The following STARD13 variants were observed in gnomAD, a reference collection of about 807,000 sequenced individuals.
The protein encoded by STARD13 is StAR related lipid transfer domain containing 13.
Under a neutral mutation model 106.4 loss-of-function variants are expected in STARD13, and 62 were observed. The ratio of observed to expected loss-of-function variants is 0.58; its 90% confidence interval spans 0.48 to 0.72. The LOEUF is 0.72. STARD13 is among the 30% of genes least tolerant of loss of function. STARD13 has a pLI of 0.00. For synonymous variants in STARD13, 565 were observed against 553.0 expected (o/e 1.02, Z -0.31); for missense variants, 1,387 against 1,424.0 (o/e 0.97, Z 0.42).
chr13:33,584,040 A>G, the STARD13 span, among the ~76,000 whole-genome samples: 3 of 152,354 alleles, frequency 2.0e-5, no homozygotes, highest in South Asian at 2.1e-4. Context: ...AGGAACTGCC[A>G]TACTATTTTC....
the STARD13 span, among the ~76,000 whole-genome samples, chr13:33,559,932 A>G: frequency 2.0e-5 from 3 of 151,612 alleles, no homozygotes; most frequent in African/African-American, 7.3e-5. Flanking sequence ...CAAGGCAGGA[A>G]GAGAGCCCTC....
At chr13:33,220,694 A>T (rs1006233479) in intron 1 of STARD13, among the ~76,000 whole-genome samples, 9 of 151,396 alleles carry the variant, frequency 5.9e-5, no homozygotes, top group African/African-American at 9.8e-5. Flanking sequence ...TCCATCTCAA[A>T]AAATAAATAA....
At chr13:33,299,876 T>C (rs1892644733) in intron 1 of STARD13, among the ~76,000 whole-genome samples, 1 of 152,204 alleles carries the variant, frequency 6.6e-6, no homozygotes, top group African/African-American at 2.4e-5. Flanking sequence ...CACAGTAACT[T>C]GAAAGTTATT....
At chr13:33,237,044 A>G (rs965752322) in intron 1 of STARD13, among the ~76,000 whole-genome samples, 4 of 77,728 alleles carry the variant, frequency 5.1e-5, no homozygotes, top group African/African-American at 1.5e-4. Flanking sequence ...CTCTTCTTCT[A>G]TATGTACTTT....
chr13:33,183,180 A>G (rs1482647231), intron 1 of STARD13, among the ~76,000 whole-genome samples: 3 of 152,138 alleles, frequency 2.0e-5, no homozygotes, highest in Non-Finnish European at 4.4e-5. Flanking sequence ...TTCTTGTTAC[A>G]CATCTCTCTC....
At position 33,138,632 on chromosome 13, in the gene STARD13, G is replaced by A. The variant is rs576496611; in HGVS notation, c.387+3678C>T. 165 of 244,244 alleles carry A rather than the reference G, an allele frequency of 6.8e-4. 1 individual carries two copies. The highest frequency in any genetic ancestry group is 3.4e-3 in the African/African-American group (148 of 43,316). 15.1% of individuals were successfully genotyped at this position (244,244 alleles called of 1,614,324 possible). On this transcript the variant is annotated intron_variant, in intron 4 of 13. Transcript: ENST00000336934. ...AAATTTAGACGTTAACTGGAGCTAC[G>A]TGGCCGGGCCTGCCTGTTTGGAAGC...
chr13:33,557,767 G>A, the STARD13 span, among the ~76,000 whole-genome samples: 2 of 152,110 alleles, frequency 1.3e-5, no homozygotes, highest in Middle Eastern at 6.3e-3. Flanking sequence ...GTAAGCCAAG[G>A]TATAAGTCCT....
the STARD13 span, among the ~76,000 whole-genome samples, chr13:33,516,991 A>G: frequency 1.3e-5 from 2 of 151,884 alleles, no homozygotes; most frequent in South Asian, 4.1e-4. Flanking sequence ...TATGTCAGTA[A>G]TTTTTGTGTG....
At chr13:33,359,276 G>C in the STARD13 span, among the ~76,000 whole-genome samples, 1 of 152,012 alleles carries the variant, frequency 6.6e-6, no homozygotes, top group African/African-American at 2.4e-5. Context: ...GAGACCACGA[G>C]CCCACCGGGA....
At chr13:33,193,134 GA>G (rs1361592161) in intron 1 of STARD13, among the ~76,000 whole-genome samples, 1 of 152,082 alleles carries the variant, frequency 6.6e-6, no homozygotes, top group Non-Finnish European at 1.5e-5. Flanking sequence ...TGCAACTGAA[GA>G]AAGGACAAAC....
chr13:33,499,622 CTTCTT>C, the STARD13 span, among the ~76,000 whole-genome samples: 3 of 116,286 alleles, frequency 2.6e-5, no homozygotes, highest in South Asian at 2.7e-4. Flanking sequence ...TCTTCTTCTT[CTTCTT>C]CTTCTTCTTC....
the STARD13 span, among the ~76,000 whole-genome samples, chr13:33,635,730 C>A: frequency 6.6e-6 from 1 of 151,828 alleles, no homozygotes. Flanking sequence ...CACCTGTAAT[C>A]CCAGCATTTT....
intron 4 of STARD13, among the ~76,000 whole-genome samples, chr13:33,140,762 C>CTTTTTTTTTTTTTTTT (rs1190491022): frequency 7.0e-6 from 1 of 142,304 alleles, no homozygotes. Context: ...ACTTTCTTTT[C>CTTTTTTTTTTTTTTTT]TTTCTTTTTT....
At chr13:33,445,425 T>C in the STARD13 span, among the ~76,000 whole-genome samples, 1 of 152,168 alleles carries the variant, frequency 6.6e-6, no homozygotes, top group Non-Finnish European at 1.5e-5. Context: ...GGTTAATCAC[T>C]AGATTACCAC....
chr13:33,191,742 G>A (rs1886269886), intron 1 of STARD13, among the ~76,000 whole-genome samples: 1 of 152,206 alleles, frequency 6.6e-6, no homozygotes, highest in South Asian at 2.1e-4. Flanking sequence ...CCTCAGCAAT[G>A]TCTTTGTCCC....
chr13:33,488,084 C>G, the STARD13 span, among the ~76,000 whole-genome samples: 4 of 152,146 alleles, frequency 2.6e-5, no homozygotes, highest in Non-Finnish European at 5.9e-5. Context: ...GGTCACTGAG[C>G]CTTCCCCTCT....
the STARD13 span, among the ~76,000 whole-genome samples, chr13:33,488,845 G>A: frequency 1.3e-5 from 2 of 152,272 alleles, no homozygotes; most frequent in South Asian, 4.1e-4. Context: ...ATGATTTTGT[G>A]TTAACACATT....
chr13:33,334,211 T>C (rs551199070), intron 1 of STARD13, among the ~76,000 whole-genome samples: 2 of 152,256 alleles, frequency 1.3e-5, no homozygotes, highest in South Asian at 4.1e-4. Context: ...TTCTTGTATT[T>C]CCTCAACAAT....
chr13:33,554,034 C>T, the STARD13 span, among the ~76,000 whole-genome samples: 1 of 152,008 alleles, frequency 6.6e-6, no homozygotes, highest in Non-Finnish European at 1.5e-5. Context: ...TGCTAAATGC[C>T]TCTCCCTTCC....
Sources: gnomAD v4.1 joint callset for allele counts (sites outside exome capture counted in the v4.1 genomes callset) on GRCh38, gnomAD v4.1.1 for gene constraint, MANE v1.5 for transcripts, NCBI Gene and HGNC (gene_info 2026-07-23, HGNC 2026-07-21) for gene names.